The following SIRT4 variants were observed in gnomAD, a reference collection of about 807,000 sequenced individuals.
The protein encoded by SIRT4 is sirtuin 4.
In SIRT4, 23 loss-of-function variants were observed where a neutral mutation model predicts 26.1. The ratio of observed to expected loss-of-function variants is 0.88; its 90% CI spans 0.63 to 1.25. The LOEUF is 1.25. Ranked by LOEUF, SIRT4 falls within the 50% of genes most tolerant of loss-of-function variation. The pLI is 0.00. For missense variants in SIRT4, 361 were observed against 405.4 expected (o/e 0.89, Z 0.94); for synonymous variants, 155 against 158.4 (o/e 0.98, Z 0.16).
intron 2 of SIRT4, among the ~76,000 whole-genome samples, chr12:120,306,915 C>T (rs992356950): frequency 1.3e-5 from 2 of 152,138 alleles, no homozygotes; most frequent in Admixed American, 1.3e-4. Context: ...GTTTCCAATG[C>T]CTAGGATGGC....
At chr12:120,312,323 A>G in intron 2 of SIRT4, 133 bp from the exon 3 acceptor site, 1 of 839,680 alleles carries the variant, frequency 1.2e-6, no homozygotes, top group Admixed American at 2.4e-5. Context: ...TATGGCTAAA[A>G]TGGGGTGGGG....
chr12:120,311,946 T>A (rs1031295369), intron 2 of SIRT4, among the ~76,000 whole-genome samples: 1 of 151,608 alleles, frequency 6.6e-6, no homozygotes, highest in Admixed American at 6.6e-5. Flanking sequence ...ATGTTAAGGA[T>A]AAAAGTGAGC....
At chr12:120,294,828 C>A in the SIRT4 span, among the ~76,000 whole-genome samples, 2 of 137,492 alleles carry the variant, frequency 1.5e-5, no homozygotes. Context: ...ACTGTTTATC[C>A]TTTTTTTTTT....
upstream of SIRT4, among the ~76,000 whole-genome samples, chr12:120,299,061 C>T (rs1872446076): frequency 7.0e-6 from 1 of 143,148 alleles, no homozygotes; most frequent in Admixed American, 7.0e-5. Context: ...CCCGTCTCTA[C>T]TAAAAAAAAA....
the SIRT4 span, chr12:120,293,249 C>G: frequency 6.6e-6 from 1 of 152,170 alleles, no homozygotes; most frequent in Admixed American, 6.6e-5. Flanking sequence ...ATTTGTTACG[C>G]CCCCTGCTCA....
upstream of SIRT4, among the ~76,000 whole-genome samples, chr12:120,300,333 A>T (rs143654868): frequency 3.9e-3 from 588 of 152,140 alleles, 6 homozygotes; most frequent in Non-Finnish European, 4.1e-3. Context: ...CAAACTACTA[A>T]ATGGTCATTT....
chr12:120,304,029 C>T lies in SIRT4; in HGVS notation c.468C>T (p.Arg156=). 6.2e-7 allele frequency: 1 copy of T among 1,610,438 alleles called. No homozygotes were observed. Among genetic ancestry groups the T allele is most frequent in the Non-Finnish European group, 8.5e-7 (1 of 1,180,004 alleles). Residue 156 remains arginine (R), a synonymous_variant, in exon 2 of 4, where the codon CGC becomes CGT. Coordinates refer to ENST00000202967, the MANE Select transcript of SIRT4 (RefSeq NM_012240.3). Reference sequence around the variant, plus strand: ...TGCACACCAAGGCGGGGAGTCGGCGCCTGACAGAGCTCCACGGATGCATGG... The same window carrying T: ...TGCACACCAAGGCGGGGAGTCGGCGTCTGACAGAGCTCCACGGATGCATGG... The part of the protein sequence containing the change: ...DALHTKAGSR[R]LTELHGCMDR...
At chr12:120,298,908 A>AACATAAAT (rs1555327993), upstream of SIRT4, among the ~76,000 whole-genome samples, 1 of 127,494 alleles carries the variant, frequency 7.8e-6, no homozygotes, top group African/African-American at 3.0e-5. Flanking sequence ...TCCGTCTCAA[A>AACATAAAT]AAATAAATAA....
At chr12:120,297,372 C>T (rs1592891427), upstream of SIRT4, among the ~76,000 whole-genome samples, 1 of 135,560 alleles carries the variant, frequency 7.4e-6, no homozygotes, top group East Asian at 2.4e-4. Flanking sequence ...AGCCCTAATC[C>T]TAATCCCATG....
At chr12:120,293,244 TTAC>T in the SIRT4 span, 4 of 152,178 alleles carry the variant, frequency 2.6e-5, no homozygotes, top group Non-Finnish European at 4.4e-5. Flanking sequence ...AGCTAATTTG[TTAC>T]GCCCCCTGCT....
At chr12:120,300,678 G>A (rs1872510714), upstream of SIRT4, among the ~76,000 whole-genome samples, 1 of 152,080 alleles carries the variant, frequency 6.6e-6, no homozygotes, top group South Asian at 2.1e-4. Context: ...GAACTTTTGG[G>A]CTCAAGTGAT....
chr12:120,299,985 G>A (rs143285497), upstream of SIRT4, among the ~76,000 whole-genome samples: 1 of 152,088 alleles, frequency 6.6e-6, no homozygotes, highest in Non-Finnish European at 1.5e-5. Flanking sequence ...AAACGATGCT[G>A]CCAAGTCGAA....
At chr12:120,291,827 TG>T in the SIRT4 span, 2 of 152,148 alleles carry the variant, frequency 1.3e-5, no homozygotes, top group Admixed American at 6.6e-5. Flanking sequence ...GGCGGGGTAT[TG>T]GGAAAAGTTT....
chr12:120,295,978 TA>T, the SIRT4 span, among the ~76,000 whole-genome samples: 1,636 of 143,866 alleles, frequency 0.011, 26 homozygotes, highest in African/African-American at 0.038. Flanking sequence ...TCCCAGCTAC[TA>T]GGGGGGCTGA....
upstream of SIRT4, among the ~76,000 whole-genome samples, chr12:120,298,907 A>AT (rs1418770248): frequency 5.8e-4 from 71 of 123,384 alleles, no homozygotes; most frequent in Admixed American, 1.4e-3. Context: ...TTCCGTCTCA[A>AT]AAAATAAATA....
At position 120,312,040 on chromosome 12, in the gene SIRT4, T is replaced by C. The variant is rs142349300; in HGVS notation, c.498-416T>C. Among the ~76,000 whole-genome samples the C allele has an allele frequency of 3.0e-3, 463 of 152,210 alleles. 3 individuals carry two copies. Among genetic ancestry groups the C allele is most frequent in the African/African-American group, 0.011 (445 of 41,544 alleles). On this transcript the variant is annotated intron_variant, in intron 2 of 3. Coordinates refer to ENST00000202967, the MANE Select transcript of SIRT4 (RefSeq NM_012240.3). The stretch of plus-strand genomic sequence containing the variant: ...GCTCACACCTGTAATCCCAGCACTT[T>C]GGGAGGCCAAGGAGGGAGGATCACT...
intron 2 of SIRT4, among the ~76,000 whole-genome samples, chr12:120,305,277 C>T (rs1872709750): frequency 6.6e-6 from 1 of 150,616 alleles, no homozygotes; most frequent in African/African-American, 2.4e-5. Flanking sequence ...GTATGACAGG[C>T]TTTCACTCTG....
chr12:120,303,872 G>A lies in SIRT4; in HGVS notation c.311G>A (p.Arg104Gln), dbSNP rs201393186. 52 of 1,614,052 alleles carry A rather than the reference G, an allele frequency of 3.2e-5. 1 individual carries two copies. The Admixed American group carries it at 5.0e-4, about 16-fold the overall frequency. The stretch of plus-strand genomic sequence containing the variant: ...GTCCGGAGTGCCCCAATCCGCCAGC[G>A]GTACTGGGCGAGAAACTTCGTAGGC... ...DFVRSAPIRQ[R>Q]YWARNFVGWP... is the part of the protein sequence containing the mutation. Residue 104 changes from arginine to glutamine, a missense_variant, in exon 2 of 4, where the codon CGG (arginine) becomes CAG (glutamine). Coordinates refer to ENST00000202967, the MANE Select transcript of SIRT4 (RefSeq NM_012240.3).
intron 2 of SIRT4, among the ~76,000 whole-genome samples, chr12:120,306,950 C>T (rs747581852): frequency 6.6e-6 from 1 of 152,072 alleles, no homozygotes; most frequent in South Asian, 2.1e-4. Flanking sequence ...ATAACGTAGC[C>T]GGGCAGTAGT....
Sources: allele counts gnomAD v4.1 joint callset (sites outside exome capture counted in the v4.1 genomes callset), GRCh38; gene constraint gnomAD v4.1.1; transcripts MANE v1.5; gene names NCBI Gene and HGNC (gene_info 2026-07-23, HGNC 2026-07-21).